The following NLRP12 variants were observed in gnomAD, a reference collection of about 807,000 sequenced individuals.
NLRP12 encodes NACHT, LRR and PYD domains-containing protein 12.
NLRP12 carries 108 observed loss-of-function variants against 91.2 expected under a neutral mutation model. The observed-to-expected ratio is 1.18, with a 90% CI of 1.01 to 1.39. The LOEUF is 1.39. Ranked by LOEUF, NLRP12 falls within the 40% of genes most tolerant of loss-of-function variation. The pLI, the probability that NLRP12 is intolerant of heterozygous loss-of-function variation, is 0.00. For missense variants in NLRP12, 1,530 were observed against 1,352.7 expected, an observed-to-expected ratio of 1.13 and a Z score of -2.06; for synonymous variants, 613 against 566.7, an observed-to-expected ratio of 1.08 and a Z score of -1.16.
At position 53,819,692 on chromosome 19, in the gene NLRP12, TACACAC is replaced by T. The variant is rs66662929; in HGVS notation, c.289+4188_289+4193del. ...ACATATATGTATGTATACATATATA[TACACAC>T]ACACACACGTATATATATATGTATG... is the stretch of plus-strand genomic sequence containing the variant. On this transcript the variant is annotated intron_variant, in intron 1 of 9. Transcript: ENST00000324134. Among the ~76,000 whole-genome samples, 318 of 43,596 alleles carry T rather than the reference TACACAC, an allele frequency of 7.3e-3. 36 individuals are homozygous for T. The highest frequency in any genetic ancestry group is 0.021 in the African/African-American group (303 of 14,128). The allele number at this position is 43,596 out of a possible 152,430, so 28.6% of individuals were successfully genotyped here. A position where few individuals can be genotyped will look rare whatever the true frequency, so the allele number is the denominator to read the frequency against.
chr19:53,798,836 A>C (rs2122538246), intron 7 of NLRP12, among the ~76,000 whole-genome samples: 1 of 151,412 alleles, frequency 6.6e-6, no homozygotes, highest in Admixed American at 6.6e-5. Flanking sequence ...CCACCTCACA[A>C]GCTCAAGCGA....
intron 5 of NLRP12, among the ~76,000 whole-genome samples, chr19:53,805,057 G>A (rs2091935807): frequency 2.0e-5 from 3 of 152,080 alleles, no homozygotes; most frequent in Admixed American, 2.0e-4. Context: ...GGTGGGGGAT[G>A]GCCCCAGGGA....
intron 4 of NLRP12, among the ~76,000 whole-genome samples, chr19:53,806,182 C>A (rs150300299): frequency 0.019 from 2,859 of 151,856 alleles, 55 homozygotes; most frequent in Admixed American, 0.053. Flanking sequence ...TGCAGTGAGT[C>A]GAGATCATGT....
rs2091914460 is a variant in NLRP12, at chr19:53,803,971, A to G, written c.2566T>C (p.Cys856Arg). 1.2e-6 allele frequency: 2 copies of G among 1,614,160 alleles called. No individual in the cohort carries two copies. The highest frequency in any genetic ancestry group is 1.7e-6 in the Non-Finnish European group (2 of 1,180,016). The change falls in exon 6 of 10, where the codon TGC (cysteine) becomes CGC (arginine). Residue 856 changes from cysteine to arginine, a missense_variant. Coordinates refer to ENST00000324134, the MANE Select transcript of NLRP12 (RefSeq NM_144687.4). ...LLCQGLRHPVCRLRTLWLKIC... is the reference protein window; with the variant it reads ...LLCQGLRHPVRRLRTLWLKIC... ...ACTCACCACAAAGTCCGTAGTCTGC[A>G]GACTGGGTGCCTCAGTCCCTGGCAT...
At chr19:53,809,464 G>A (rs1303060871) in intron 3 of NLRP12, 123 bp downstream of exon 3, 30 of 977,776 alleles carry the variant, frequency 3.1e-5, no homozygotes, top group Non-Finnish European at 4.3e-5. Flanking sequence ...CCGGGAGGCG[G>A]AGGTTGCAGT....
chr19:53,809,355 A>C lies in NLRP12; in HGVS notation c.2072+232T>G, dbSNP rs1412604332. Among the ~76,000 whole-genome samples the C allele has an allele frequency of 4.6e-5, 7 of 151,268 alleles. No individual in the cohort carries two copies. In the East Asian group the frequency reaches 1.2e-3, roughly 25 times the overall value. On this transcript the variant is annotated intron_variant, in intron 3 of 9. Coordinates refer to ENST00000324134, the MANE Select transcript of NLRP12 (RefSeq NM_144687.4). ...AGACCACCCTGGCCAACATGGTGAA[A>C]CCCTGTCTCTACTAAAAATACAAAA...
chr19:53,819,199 AG>A (rs1482131922), intron 1 of NLRP12, among the ~76,000 whole-genome samples: 5 of 151,986 alleles, frequency 3.3e-5, no homozygotes, highest in African/African-American at 1.2e-4. Flanking sequence ...ACTTCCATTT[AG>A]ATATAATTAT....
At chr19:53,815,225 C>CTTTTTTTTTTTT (rs59179749) in intron 1 of NLRP12, among the ~76,000 whole-genome samples, 1 of 96,996 alleles carries the variant, frequency 1.0e-5, no homozygotes. Context: ...TCCAATCAGT[C>CTTTTTTTTTTTT]TTTTTTTTTT....
At chr19:53,821,439 C>G (rs943124824) in intron 1 of NLRP12, among the ~76,000 whole-genome samples, 1 of 151,980 alleles carries the variant, frequency 6.6e-6, no homozygotes, top group Non-Finnish European at 1.5e-5. Flanking sequence ...GAGGCCGAGA[C>G]GGCTGGATCA....
chr19:53,801,961 C>T (rs1484463110), intron 6 of NLRP12, among the ~76,000 whole-genome samples: 1 of 152,132 alleles, frequency 6.6e-6, no homozygotes, highest in African/African-American at 2.4e-5. Flanking sequence ...GGCACAGTGG[C>T]TCATGCCTGT....
chr19:53,822,083 G>A (rs1395470265), intron 1 of NLRP12, among the ~76,000 whole-genome samples: 1 of 152,128 alleles, frequency 6.6e-6, no homozygotes, highest in Non-Finnish European at 1.5e-5. Flanking sequence ...ATGGGAAGAA[G>A]AGACACTGGG....
At chr19:53,804,752 G>T (rs2091930589) in intron 5 of NLRP12, among the ~76,000 whole-genome samples, 1 of 151,560 alleles carries the variant, frequency 6.6e-6, no homozygotes, top group Non-Finnish European at 1.5e-5. Flanking sequence ...TGTAGGTCGA[G>T]TGCAGTGGCT....
chr19:53,819,684 C>CAT (rs1568696874), intron 1 of NLRP12, among the ~76,000 whole-genome samples: 1 of 57,396 alleles, frequency 1.7e-5, no homozygotes, highest in Admixed American at 1.9e-4. Context: ...TGTATGTATA[C>CAT]ATATATATAC....
chr19:53,796,739 GTAATTC>G (rs2091769431), intron 8 of NLRP12, among the ~76,000 whole-genome samples: 1 of 151,268 alleles, frequency 6.6e-6, no homozygotes, highest in Non-Finnish European at 1.5e-5. Flanking sequence ...GCTCACGCCT[GTAATTC>G]CAGCACTTTG....
intron 7 of NLRP12, among the ~76,000 whole-genome samples, chr19:53,800,529 G>C (rs1186302356): frequency 6.6e-6 from 1 of 151,958 alleles, no homozygotes; most frequent in Non-Finnish European, 1.5e-5. Context: ...GAGAGCAGAA[G>C]GCATGCCAGG....
At chr19:53,813,014 C>T (rs1056267024) in intron 2 of NLRP12, among the ~76,000 whole-genome samples, 4 of 150,972 alleles carry the variant, frequency 2.6e-5, no homozygotes, top group East Asian at 2.0e-4. Flanking sequence ...CTGAGTAACT[C>T]GATTTACAGG....
At chr19:53,823,104 T>TACACACACATATGTATACACATATATAC in intron 1 of NLRP12, among the ~76,000 whole-genome samples, 1 of 141,190 alleles carries the variant, frequency 7.1e-6, no homozygotes, top group Non-Finnish European at 1.5e-5. Context: ...CACACACATA[T>TACACACACATATGTATACACATATATAC]ACACACACAT....
rs189570064 is a variant in NLRP12, at chr19:53,795,430, A to G, written c.3098+429T>C. Among the ~76,000 whole-genome samples the G allele has an allele frequency of 3.7e-3, 567 of 151,522 alleles. 13 individuals are homozygous for G. Among genetic ancestry groups the G allele is most frequent in the Admixed American group, 0.029 (440 of 15,156 alleles). ...CACTCTGTCACCCAGGCTGGAGTGC[A>G]GTGGTGTGATCTTGGGTCACTGCAA... is the stretch of plus-strand genomic sequence containing the variant. On this transcript the variant is annotated intron_variant, in intron 9 of 9. Coordinates refer to ENST00000324134, the MANE Select transcript of NLRP12 (RefSeq NM_144687.4).
chr19:53,823,765 G>A, intron 1 of NLRP12, 121 bp downstream of exon 1: 1 of 1,131,368 alleles, frequency 8.8e-7, no homozygotes, highest in Non-Finnish European at 1.3e-6. Context: ...GTCCAGACTG[G>A]TCTTGAACTC....
Sources: allele counts gnomAD v4.1 joint callset (sites outside exome capture counted in the v4.1 genomes callset), GRCh38; gene constraint gnomAD v4.1.1; transcripts MANE v1.5; gene names NCBI Gene and HGNC (gene_info 2026-07-23, HGNC 2026-07-21).